The following GRID2 variants were observed in gnomAD, a reference collection of about 807,000 sequenced individuals.
GRID2 encodes the protein glutamate ionotropic receptor delta type subunit 2.
In GRID2, 33 loss-of-function variants were observed where a neutral mutation model predicts 114.8. The ratio of observed to expected loss-of-function variants is 0.29; its 90% CI spans 0.22 to 0.38. The LOEUF (loss-of-function observed/expected upper bound fraction) is 0.38, where lower values mean the gene tolerates loss of function less well. GRID2 is among the 10% of genes least tolerant of loss of function. The probability of loss-of-function intolerance (pLI) is 1.00; values close to 1 mark genes in which losing one functional copy is unlikely to be tolerated. For missense variants in GRID2, 1,184 were observed against 1,257.7 expected, an observed-to-expected ratio of 0.94 and a Z score of 0.89; for synonymous variants, 505 against 449.9, an observed-to-expected ratio of 1.12 and a Z score of -1.55.
chr4:92,587,308 T>C (rs1728498576), intron 1 of GRID2, among the ~76,000 whole-genome samples: 1 of 152,124 alleles, frequency 6.6e-6, no homozygotes. Context: ...TTTGAGCAAC[T>C]ATATAGTTAA....
chr4:92,341,169 G>A (rs1468248503), intron 1 of GRID2, among the ~76,000 whole-genome samples: 1 of 152,010 alleles, frequency 6.6e-6, no homozygotes, highest in Non-Finnish European at 1.5e-5. Context: ...TTTAATATAT[G>A]TGGCTTATAC....
At chr4:92,914,469 G>A (rs1469855636) in intron 2 of GRID2, among the ~76,000 whole-genome samples, 1 of 151,896 alleles carries the variant, frequency 6.6e-6, no homozygotes, top group Non-Finnish European at 1.5e-5. Flanking sequence ...TTGTTACATA[G>A]GTAAACTTGT....
At chr4:93,547,270 A>G (rs2149536573) in intron 13 of GRID2, among the ~76,000 whole-genome samples, 1 of 152,178 alleles carries the variant, frequency 6.6e-6, no homozygotes, top group Admixed American at 6.5e-5. Flanking sequence ...GGAATGGGGG[A>G]TGGAAGGATC....
In GRID2 at chr4:92,452,943, GGTGTGTGT is replaced by G. The variant is rs10591876; in HGVS notation, c.89-137172_89-137165del. Among the ~76,000 whole-genome samples, 70 of 146,796 alleles carry G rather than the reference GGTGTGTGT, an allele frequency of 4.8e-4. 1 individual carries two copies. Among genetic ancestry groups the G allele is most frequent in the African/African-American group, 1.5e-3 (60 of 39,930 alleles). ...TATGATACATAGAGATAGACTGACA[GGTGTGTGT>G]GTGTGTGTGTGTGTGCATACACTTA... is the stretch of plus-strand genomic sequence containing the variant. On this transcript the variant is annotated intron_variant, in intron 1 of 15. Transcript: ENST00000282020.
chr4:92,913,445 G>A (rs1748537128), intron 2 of GRID2, among the ~76,000 whole-genome samples: 1 of 151,748 alleles, frequency 6.6e-6, no homozygotes, highest in African/African-American at 2.4e-5. Flanking sequence ...CATTCACAAG[G>A]CACACATGTC....
chr4:93,464,249 C>G (rs1472091677), intron 11 of GRID2, among the ~76,000 whole-genome samples: 1 of 152,028 alleles, frequency 6.6e-6, no homozygotes, highest in Non-Finnish European at 1.5e-5. Context: ...TTTGAAAATT[C>G]AATTTCTGTT....
chr4:92,398,748 TGAAA>T (rs958440489), intron 1 of GRID2, among the ~76,000 whole-genome samples: 1 of 151,894 alleles, frequency 6.6e-6, no homozygotes, highest in African/African-American at 2.4e-5. Flanking sequence ...AGGAAAAAAA[TGAAA>T]GAAAGACTAG....
intron 14 of GRID2, among the ~76,000 whole-genome samples, chr4:93,749,145 AAAG>A (rs947833308): frequency 6.6e-6 from 1 of 152,174 alleles, no homozygotes; most frequent in Non-Finnish European, 1.5e-5. Flanking sequence ...GAGGTGCGGG[AAAG>A]AAGAAGAGAG....
chr4:93,229,646 C>T (rs557315665), intron 7 of GRID2, among the ~76,000 whole-genome samples: 35 of 152,268 alleles, frequency 2.3e-4, no homozygotes, highest in Admixed American at 5.2e-4. Context: ...ACGCTACATA[C>T]ACATTAAAAA....
At chr4:93,728,601 T>A (rs1365132194) in intron 14 of GRID2, among the ~76,000 whole-genome samples, 1 of 152,152 alleles carries the variant, frequency 6.6e-6, no homozygotes, top group African/African-American at 2.4e-5. Context: ...AAGTCTCCCA[T>A]TATTATTGTG....
chr4:92,988,813 A>G (rs1754665686), intron 2 of GRID2, among the ~76,000 whole-genome samples: 1 of 152,160 alleles, frequency 6.6e-6, no homozygotes, highest in Admixed American at 6.5e-5. Flanking sequence ...AAAGGAAAAC[A>G]TGTGGTGTGT....
chr4:92,457,517 C>T (rs1373977839), intron 1 of GRID2, among the ~76,000 whole-genome samples: 1 of 152,112 alleles, frequency 6.6e-6, no homozygotes, highest in Non-Finnish European at 1.5e-5. Context: ...TCTACATACA[C>T]AAGTCGGACT....
chr4:93,728,522 T>C (rs1022155556), intron 14 of GRID2, among the ~76,000 whole-genome samples: 4 of 152,174 alleles, frequency 2.6e-5, no homozygotes, highest in African/African-American at 9.7e-5. Context: ...CAGAGCTGAG[T>C]TCAATTCCTG....
chr4:93,283,710 A>T (rs1752879390), intron 8 of GRID2, among the ~76,000 whole-genome samples: 1 of 152,042 alleles, frequency 6.6e-6, no homozygotes, highest in South Asian at 2.1e-4. Context: ...GACTTTCCTG[A>T]TTTATTGCCT....
chr4:92,491,902 C>T (rs2149114260), intron 1 of GRID2, among the ~76,000 whole-genome samples: 1 of 152,202 alleles, frequency 6.6e-6, no homozygotes, highest in Non-Finnish European at 1.5e-5. Flanking sequence ...ATTATTTAAA[C>T]CACTTCAGTA....
At chr4:92,998,428 C>G (rs567870385) in intron 2 of GRID2, among the ~76,000 whole-genome samples, 2 of 151,872 alleles carry the variant, frequency 1.3e-5, no homozygotes, top group Admixed American at 1.3e-4. Flanking sequence ...TGAGTTGCTT[C>G]GAAATTTAAT....
intron 14 of GRID2, among the ~76,000 whole-genome samples, chr4:93,722,723 A>G (rs1729491916): frequency 6.6e-6 from 1 of 151,956 alleles, no homozygotes; most frequent in Non-Finnish European, 1.5e-5. Flanking sequence ...CTCCATCTCC[A>G]CTGTTATAAC....
intron 14 of GRID2, among the ~76,000 whole-genome samples, chr4:93,659,428 A>G (rs1723294970): frequency 6.6e-6 from 1 of 152,182 alleles, no homozygotes; most frequent in South Asian, 2.1e-4. Flanking sequence ...ATTCTTTCCC[A>G]TACATCTTTT....
chr4:93,020,713 T>C (rs570658490), intron 2 of GRID2, among the ~76,000 whole-genome samples: 24 of 152,272 alleles, frequency 1.6e-4, no homozygotes, highest in Admixed American at 1.4e-3. Flanking sequence ...CCAATGTCTA[T>C]ATTTAAAATG....
Sources: allele counts gnomAD v4.1 joint callset (sites outside exome capture counted in the v4.1 genomes callset), GRCh38; gene constraint gnomAD v4.1.1; transcripts MANE v1.5; gene names NCBI Gene and HGNC (gene_info 2026-07-23, HGNC 2026-07-21).